NCAM2: variants seen among roughly 807,000 people sequenced by gnomAD.
NCAM2 encodes neural cell adhesion molecule 2, also known as N-CAM-2.
In NCAM2, 30 loss-of-function variants were observed where a neutral mutation model predicts 98.1. The ratio of observed to expected loss-of-function variants is 0.31; its 90% CI spans 0.23 to 0.41. The LOEUF is 0.41. NCAM2 is among the 10% of genes least tolerant of loss of function. The probability of loss-of-function intolerance (pLI) is 1.00; values close to 1 mark genes in which losing one functional copy is unlikely to be tolerated. For synonymous variants in NCAM2, 368 were observed against 342.4 expected (o/e 1.07, Z -0.83); for missense variants, 867 against 1,005.8 (o/e 0.86, Z 1.87).
At chr21:21,282,029 T>C (rs2072946941) in intron 2 of NCAM2, among the ~76,000 whole-genome samples, 1 of 151,942 alleles carries the variant, frequency 6.6e-6, no homozygotes, top group African/African-American at 2.4e-5. Context: ...GTTATGTTAA[T>C]ACAAGTATTT....
chr21:21,476,396 C>T (rs1322954387), intron 14 of NCAM2, among the ~76,000 whole-genome samples: 1 of 151,946 alleles, frequency 6.6e-6, no homozygotes, highest in Non-Finnish European at 1.5e-5. Context: ...CAATTTTCCT[C>T]ATTGCTTTTC....
intron 5 of NCAM2, among the ~76,000 whole-genome samples, chr21:21,293,554 A>T (rs147145283): frequency 7.2e-4 from 110 of 151,968 alleles, no homozygotes; most frequent in Admixed American, 2.2e-3. Context: ...CTAGAAGTAC[A>T]GAGTCCGATA....
chr21:21,375,374 C>A (rs1007906532), intron 9 of NCAM2, among the ~76,000 whole-genome samples: 16 of 151,432 alleles, frequency 1.1e-4, no homozygotes, highest in Non-Finnish European at 1.5e-5. Context: ...AGGCAGTCAA[C>A]AATAAAAGGC....
intron 16 of NCAM2, among the ~76,000 whole-genome samples, chr21:21,509,542 C>T (rs972047530): frequency 1.3e-5 from 2 of 151,942 alleles, no homozygotes; most frequent in African/African-American, 4.8e-5. Context: ...ATGATATGTG[C>T]TATAAAATAC....
chr21:21,037,490 A>AT (rs893692980), intron 1 of NCAM2, among the ~76,000 whole-genome samples: 10 of 152,314 alleles, frequency 6.6e-5, no homozygotes, highest in African/African-American at 1.9e-4. Context: ...AGATTAAATG[A>AT]TTTTTAGTTG....
chr21:21,389,975 G>A (rs796270273), intron 9 of NCAM2, among the ~76,000 whole-genome samples: 2 of 151,994 alleles, frequency 1.3e-5, no homozygotes, highest in African/African-American at 4.8e-5. Flanking sequence ...TCAGCCTCCC[G>A]AGTAGCTGGG....
At chr21:21,460,261 T>A (rs1475934472) in intron 12 of NCAM2, among the ~76,000 whole-genome samples, 4 of 151,950 alleles carry the variant, frequency 2.6e-5, no homozygotes, top group Non-Finnish European at 5.9e-5. Flanking sequence ...TAGTTTTATA[T>A]TAATAGGTCA....
chr21:21,306,706 T>C (rs75679965), intron 5 of NCAM2, among the ~76,000 whole-genome samples: 1,927 of 152,246 alleles, frequency 0.013, 42 homozygotes, highest in African/African-American at 0.044. Context: ...ACAATCCAGT[T>C]ACACTCTAAG....
At chr21:21,427,225 CA>C (rs200153906) in intron 11 of NCAM2, among the ~76,000 whole-genome samples, 2 of 149,010 alleles carry the variant, frequency 1.3e-5, no homozygotes, top group Non-Finnish European at 3.0e-5. Context: ...GGATTGAAAA[CA>C]AAAAAAAGAG....
intron 12 of NCAM2, among the ~76,000 whole-genome samples, chr21:21,459,728 G>T (rs1036128331): frequency 5.3e-5 from 8 of 151,556 alleles, no homozygotes; most frequent in Non-Finnish European, 7.4e-5. Context: ...AGGAGTGAGA[G>T]ATAAGGGAAG....
intron 5 of NCAM2, among the ~76,000 whole-genome samples, chr21:21,301,748 G>A (rs1039679299): frequency 6.6e-6 from 1 of 151,548 alleles, no homozygotes; most frequent in Non-Finnish European, 1.5e-5. Context: ...GTATTCCATG[G>A]TGTAACAAAT....
At chr21:21,002,242 C>G (rs1250449494) in intron 1 of NCAM2, among the ~76,000 whole-genome samples, 2 of 151,966 alleles carry the variant, frequency 1.3e-5, no homozygotes, top group African/African-American at 4.8e-5. Context: ...AGAATCGGAG[C>G]CCATAGAGCA....
chr21:21,503,705 A>T (rs927739094), intron 15 of NCAM2, among the ~76,000 whole-genome samples: 4 of 151,936 alleles, frequency 2.6e-5, no homozygotes, highest in Non-Finnish European at 5.9e-5. Context: ...TTTGGCTGAA[A>T]ATTTGAATGC....
chr21:21,160,118 A>G (rs1218855138), intron 1 of NCAM2, among the ~76,000 whole-genome samples: 1 of 152,024 alleles, frequency 6.6e-6, no homozygotes, highest in Non-Finnish European at 1.5e-5. Flanking sequence ...AAATATATGT[A>G]CCGTGTAAAT....
chr21:21,219,478 CT>C (rs2070046508), intron 1 of NCAM2, among the ~76,000 whole-genome samples: 1 of 152,166 alleles, frequency 6.6e-6, no homozygotes, highest in Non-Finnish European at 1.5e-5. Flanking sequence ...TTCCTATCAC[CT>C]AGTGACATTG....
intron 16 of NCAM2, among the ~76,000 whole-genome samples, chr21:21,523,336 G>A (rs979467483): frequency 1.3e-5 from 2 of 151,520 alleles, no homozygotes; most frequent in Non-Finnish European, 2.9e-5. Flanking sequence ...TTAGACTTAA[G>A]TCTCTAATCA....
rs553614829 is a variant in NCAM2, at chr21:21,297,875, G to C, written c.619+5634G>C. On this transcript the variant is annotated intron_variant, in intron 5 of 17. Coordinates refer to ENST00000400546, the MANE Select transcript of NCAM2 (RefSeq NM_004540.5). Reference sequence around the variant, plus strand: ...TATGAATATTTTGTAAATTTGTAAAGAGTGATTCACTAACTGCAGGTTCAA... The same window carrying C: ...TATGAATATTTTGTAAATTTGTAAACAGTGATTCACTAACTGCAGGTTCAA... Among the ~76,000 whole-genome samples, 7 of 151,918 alleles carry C rather than the reference G, an allele frequency of 4.6e-5. No individual in the cohort carries two copies. The South Asian group carries it at 1.5e-3, about 31-fold the overall frequency.
chr21:21,107,085 T>C (rs867320380), intron 1 of NCAM2, among the ~76,000 whole-genome samples: 12 of 152,146 alleles, frequency 7.9e-5, no homozygotes, highest in South Asian at 4.1e-4. Context: ...TTGATACCAG[T>C]CCATCTCGTT....
chr21:21,491,878 A>G (rs1986875384), intron 15 of NCAM2, among the ~76,000 whole-genome samples: 1 of 151,556 alleles, frequency 6.6e-6, no homozygotes, highest in African/African-American at 2.4e-5. Flanking sequence ...AAATGATACA[A>G]TAGTTATAGT....
Sources: gnomAD v4.1 joint callset for allele counts (sites outside exome capture counted in the v4.1 genomes callset) on GRCh38, gnomAD v4.1.1 for gene constraint, MANE v1.5 for transcripts, NCBI Gene and HGNC (gene_info 2026-07-23, HGNC 2026-07-21) for gene names.